The following CSMD1 variants were observed in gnomAD, a reference collection of about 807,000 sequenced individuals.
The protein encoded by CSMD1 is CUB and sushi domain-containing protein 1.
A neutral mutation model predicts 417.5 loss-of-function variants in CSMD1; 213 were observed. That is an observed-to-expected ratio of 0.51 (90% CI 0.46 to 0.57). CSMD1 has a LOEUF of 0.57. Among genes scored for constraint, CSMD1 ranks in the 20% least tolerant of loss-of-function variants. The pLI is 0.00. For synonymous variants in CSMD1, 2,862 were observed against 1,736.8 expected (o/e 1.65, Z -16.11); for missense variants, 6,923 against 4,529.7 (o/e 1.53, Z -15.17).
intron 3 of CSMD1, among the ~76,000 whole-genome samples, chr8:4,248,111 G>C (rs777648477): frequency 7.2e-5 from 11 of 151,904 alleles, no homozygotes; most frequent in Non-Finnish European, 1.6e-4. Flanking sequence ...TATATTTCCA[G>C]TTTATTTTTT....
At chr8:4,956,728 G>A (rs1370327917) in intron 1 of CSMD1, among the ~76,000 whole-genome samples, 1 of 152,072 alleles carries the variant, frequency 6.6e-6, no homozygotes, top group African/African-American at 2.4e-5. Context: ...CAAAGACTAT[G>A]TCAACACAAG....
intron 3 of CSMD1, among the ~76,000 whole-genome samples, chr8:4,209,760 A>T (rs1800198174): frequency 6.6e-6 from 1 of 152,182 alleles, no homozygotes; most frequent in Non-Finnish European, 1.5e-5. Flanking sequence ...GCAGGACTAC[A>T]CCATAGGCCA....
At chr8:3,224,710 T>A (rs1390020868) in intron 27 of CSMD1, among the ~76,000 whole-genome samples, 1 of 152,222 alleles carries the variant, frequency 6.6e-6, no homozygotes, top group Non-Finnish European at 1.5e-5. Flanking sequence ...GTGTTTACAT[T>A]TATATTAGCA....
intron 1 of CSMD1, among the ~76,000 whole-genome samples, chr8:4,661,434 T>A (rs973590218): frequency 1.3e-5 from 2 of 152,124 alleles, no homozygotes; most frequent in African/African-American, 4.8e-5. Context: ...ATTTTTGAAG[T>A]GACAAAAATA....
intron 7 of CSMD1, among the ~76,000 whole-genome samples, chr8:3,676,922 A>C (rs1409129276): frequency 6.6e-6 from 1 of 151,906 alleles, no homozygotes; most frequent in African/African-American, 2.4e-5. Context: ...CAAACACCAC[A>C]TGTTCACACT....
chr8:4,561,341 T>G (rs933801700), intron 2 of CSMD1, among the ~76,000 whole-genome samples: 58 of 152,210 alleles, frequency 3.8e-4, no homozygotes, highest in African/African-American at 1.4e-3. Context: ...GCCACTGCAC[T>G]CCAGCCCGGT....
chr8:4,358,110 C>T (rs964587648), intron 3 of CSMD1, among the ~76,000 whole-genome samples: 1 of 152,006 alleles, frequency 6.6e-6, no homozygotes, highest in Non-Finnish European at 1.5e-5. Flanking sequence ...TATGATCAGC[C>T]AATTTAATTT....
rs147920144 is a variant in CSMD1, at chr8:4,471,675, G to A, written c.303-51610C>T. 3.5e-4 allele frequency among the ~76,000 whole-genome samples: 53 copies of A among 152,172 alleles called. No individual in the cohort carries two copies. In the East Asian group the frequency reaches 9.5e-3, roughly 27 times the overall value. On this transcript the variant is annotated intron_variant, in intron 2 of 69. Transcript: ENST00000635120. Reference sequence around the variant, plus strand: ...GGGAATGCTCACCCTGGTTGAGGAAGGCCAGCGAACGCAGAGAGAACACGA... The same window carrying A: ...GGGAATGCTCACCCTGGTTGAGGAAAGCCAGCGAACGCAGAGAGAACACGA...
At chr8:4,179,408 A>G (rs1337311862) in intron 3 of CSMD1, among the ~76,000 whole-genome samples, 1 of 152,102 alleles carries the variant, frequency 6.6e-6, no homozygotes, top group African/African-American at 2.4e-5. Flanking sequence ...CCTTCCTTAC[A>G]CCCTATACAA....
chr8:4,350,275 G>A (rs1463504634), intron 3 of CSMD1, among the ~76,000 whole-genome samples: 3 of 152,154 alleles, frequency 2.0e-5, no homozygotes, highest in African/African-American at 7.2e-5. Context: ...TCTAGGGGAC[G>A]CCAACTGCAG....
intron 3 of CSMD1, among the ~76,000 whole-genome samples, chr8:4,209,986 A>C (rs878894166): frequency 6.6e-6 from 1 of 152,148 alleles, no homozygotes; most frequent in Non-Finnish European, 1.5e-5. Flanking sequence ...GTGTCTTATG[A>C]AAGGCTGCTT....
chr8:4,424,288 A>AT (rs1797419762), intron 2 of CSMD1, among the ~76,000 whole-genome samples: 1 of 152,048 alleles, frequency 6.6e-6, no homozygotes, highest in Non-Finnish European at 1.5e-5. Context: ...CGCAAGCCAA[A>AT]TATCTGACAA....
chr8:4,084,798 C>T lies in CSMD1; in HGVS notation c.416-52699G>A, dbSNP rs1232213681. Among the ~76,000 whole-genome samples the T allele has an allele frequency of 2.7e-5, 4 of 150,668 alleles. No individual in the cohort carries two copies. The South Asian group carries it at 6.4e-4, about 24-fold the overall frequency. ...ATGTAGCATTTCCATTCAAGTCCTG[C>T]TGAGCAAAAATTCCAGTGCCTCAAG... On this transcript the variant is annotated intron_variant, in intron 3 of 69. Coordinates refer to ENST00000635120, the MANE Select transcript of CSMD1 (RefSeq NM_033225.6).
intron 4 of CSMD1, among the ~76,000 whole-genome samples, chr8:4,011,214 C>T (rs1816510291): frequency 6.6e-6 from 1 of 152,158 alleles, no homozygotes; most frequent in Admixed American, 6.5e-5. Flanking sequence ...TTGTGTTCTA[C>T]CTTTCCTCTC....
chr8:4,270,364 C>A (rs559065658), intron 3 of CSMD1, among the ~76,000 whole-genome samples: 1 of 152,274 alleles, frequency 6.6e-6, no homozygotes, highest in South Asian at 2.1e-4. Context: ...ACTTCATCTC[C>A]TGTTCTCCTT....
At chr8:3,292,233 T>A (rs1434949525) in intron 25 of CSMD1, among the ~76,000 whole-genome samples, 2 of 152,124 alleles carry the variant, frequency 1.3e-5, no homozygotes, top group Non-Finnish European at 2.9e-5. Flanking sequence ...TGCTGAGGAG[T>A]GCTTTACTTC....
chr8:4,857,540 G>C (rs1300755791), intron 1 of CSMD1, among the ~76,000 whole-genome samples: 2 of 152,188 alleles, frequency 1.3e-5, no homozygotes, highest in Middle Eastern at 6.8e-3. Flanking sequence ...GAAAAAAAGA[G>C]AGAAGAATCA....
At chr8:3,153,598 T>C (rs1819333051) in intron 39 of CSMD1, among the ~76,000 whole-genome samples, 1 of 152,236 alleles carries the variant, frequency 6.6e-6, no homozygotes, top group Non-Finnish European at 1.5e-5. Context: ...AAGTTCCTTT[T>C]GATTTTAGCA....
chr8:3,251,007 G>A (rs1245940077), intron 26 of CSMD1, among the ~76,000 whole-genome samples: 3 of 152,112 alleles, frequency 2.0e-5, no homozygotes, highest in African/African-American at 4.8e-5. Flanking sequence ...CTCCCATTTT[G>A]TAGGTTGCCT....
Sources: gnomAD v4.1 joint callset for allele counts (sites outside exome capture counted in the v4.1 genomes callset) on GRCh38, gnomAD v4.1.1 for gene constraint, MANE v1.5 for transcripts, NCBI Gene and HGNC (gene_info 2026-07-23, HGNC 2026-07-21) for gene names.